The following CRX variants were observed in gnomAD, a reference collection of about 807,000 sequenced individuals.
CRX encodes the protein cone-rod homeobox.
CRX carries 5 observed loss-of-function variants against 13.1 expected under a neutral mutation model. The ratio of observed to expected loss-of-function variants is 0.38; its 90% CI spans 0.20 to 0.80. The LOEUF (loss-of-function observed/expected upper bound fraction) is 0.80, where lower values mean the gene tolerates loss of function less well. Ranked by LOEUF, CRX falls within the 30% of genes least tolerant of loss-of-function variation. The pLI is 0.43. For synonymous variants in CRX, 179 were observed against 171.1 expected (o/e 1.05, Z -0.36); for missense variants, 351 against 391.8 (o/e 0.90, Z 0.88).
chr19:47,828,893 AACACACACACACACACACACAC>A (rs59471457), intron 1 of CRX, among the ~76,000 whole-genome samples: 75 of 134,144 alleles, frequency 5.6e-4, no homozygotes, highest in Middle Eastern at 3.8e-3. Context: ...TTTTGACAAG[AACACACACACACACACACACAC>A]ACACACACAC....
Position 47,832,136 on chromosome 19 carries a change from C to T in CRX, c.-35-2273C>T, listed in dbSNP as rs149531321. On this transcript the variant is annotated intron_variant, in intron 1 of 3. Transcript: ENST00000221996. ...TTTTTTTTTTTTTGAGACGGAGTCTCGCTCTGTCGCCCAAGCTGGAGTGCA... is the reference window on the plus strand; with the variant it reads ...TTTTTTTTTTTTTGAGACGGAGTCTTGCTCTGTCGCCCAAGCTGGAGTGCA... Among the ~76,000 whole-genome samples the T allele has an allele frequency of 5.2e-3, 341 of 65,634 alleles. 2 individuals carry two copies. The highest frequency in any genetic ancestry group is 7.5e-3 in the Non-Finnish European group (221 of 29,576). 43.1% of individuals were successfully genotyped at this position (65,634 alleles called of 152,430 possible).
chr19:47,837,630 ATT>A (rs201859950), intron 3 of CRX, among the ~76,000 whole-genome samples: 26,843 of 152,010 alleles, frequency 0.18, 2,621 homozygotes, highest in Non-Finnish European at 0.22. Flanking sequence ...ATAATTGTAT[ATT>A]TGTATGTTTG....
chr19:47,831,425 G>A (rs1461557160), intron 1 of CRX, among the ~76,000 whole-genome samples: 1 of 151,998 alleles, frequency 6.6e-6, no homozygotes, highest in South Asian at 2.1e-4. Flanking sequence ...TGGTGAGCAA[G>A]CATTACTGCC....
intron 3 of CRX, among the ~76,000 whole-genome samples, chr19:47,836,826 A>G (rs552817970): frequency 1.1e-4 from 16 of 152,324 alleles, no homozygotes; most frequent in African/African-American, 3.8e-4. Context: ...TAGAATGTCA[A>G]TTCCACTGAC....
In CRX at chr19:47,841,273, T is replaced by G. The variant is rs1315104053; in HGVS notation, c.*1306T>G. 1 of 152,194 alleles carries G rather than the reference T, an allele frequency of 6.6e-6. No individual in the cohort carries two copies. The highest frequency in any genetic ancestry group is 1.5e-5 in the Non-Finnish European group (1 of 68,034). The allele number at this position is 152,194 out of a possible 1,614,324, so 9.4% of individuals were successfully genotyped here. On this transcript the variant is annotated 3_prime_UTR_variant, in exon 4 of 4. Coordinates refer to ENST00000221996, the MANE Select transcript of CRX (RefSeq NM_000554.6). The stretch of plus-strand genomic sequence containing the variant: ...TCTTCTTAGTTTCTTTTTAAAGACA[T>G]TTTATCACTCATTCGCTCATTAGCA...
At chr19:47,824,454 T>C (rs8103546) in intron 1 of CRX, among the ~76,000 whole-genome samples, 41,176 of 151,994 alleles carry the variant, frequency 0.27, 5,875 homozygotes, top group Middle Eastern at 0.34. Flanking sequence ...TCAGTTTCCT[T>C]CTCTGTAAAG....
In CRX at chr19:47,839,574, C is replaced by A. The variant is rs1372606569; in HGVS notation, c.507C>A (p.Ser169=). Residue 169 remains serine, a synonymous_variant, in exon 4 of 4, where the codon TCC becomes TCA. Coordinates refer to ENST00000221996, the MANE Select transcript of CRX (RefSeq NM_000554.6). The surrounding 1 kb of genome is among the most constrained non-coding windows in gnomAD (Gnocchi z 4.6). The part of the protein sequence containing the change: ...TVSIWSPASE[S]PLPEAQRAGL... ...CCATCTGGAGCCCAGCCTCAGAGTC[C>A]CCTTTGCCTGAGGCGCAGCGGGCTG... 2 of 1,612,416 alleles carry A rather than the reference C, an allele frequency of 1.2e-6. No homozygotes were observed. The highest frequency in any genetic ancestry group is 1.7e-6 in the Non-Finnish European group (2 of 1,178,988).
rs1407282954 is a variant in CRX, at chr19:47,834,413, C to T, written c.-31C>T. 1.3e-6 allele frequency: 2 copies of T among 1,534,550 alleles called. No individual in the cohort carries two copies. Among genetic ancestry groups the T allele is most frequent in the Non-Finnish European group, 1.8e-6 (2 of 1,107,456 alleles). The stretch of plus-strand genomic sequence containing the variant: ...ATCCCTCCTCTTCTCTTGCAGGCCC[C>T]CTGACTTGGGCCTCAGTGTCCCCGA... On this transcript the variant is annotated 5_prime_UTR_variant, in exon 2 of 4. Coordinates refer to ENST00000221996, the MANE Select transcript of CRX (RefSeq NM_000554.6).
chr19:47,835,756 G>C (rs12052175), intron 2 of CRX, among the ~76,000 whole-genome samples: 34,380 of 151,466 alleles, frequency 0.23, 4,180 homozygotes, highest in Middle Eastern at 0.35. Context: ...CGAGTAGCTG[G>C]GACTACAGGC....
At chr19:47,837,095 A>AT (rs1451940257) in intron 3 of CRX, among the ~76,000 whole-genome samples, 1 of 152,220 alleles carries the variant, frequency 6.6e-6, no homozygotes, top group African/African-American at 2.4e-5. Context: ...TGATGAATGT[A>AT]TGCATGCATG....
Position 47,834,247 on chromosome 19 carries a change from G to A in CRX, c.-35-162G>A, listed in dbSNP as rs2123738064. Among the ~76,000 whole-genome samples, 6 of 152,286 alleles carry A rather than the reference G, an allele frequency of 3.9e-5. 1 individual carries two copies. In the South Asian group the frequency reaches 1.2e-3, roughly 32 times the overall value. On this transcript the variant is annotated intron_variant, in intron 1 of 3. Transcript: ENST00000221996. ...GAAAGCTCTGAGAACCTTAAGCAGA[G>A]GCCATTTTACATGTGAGGACACAGA... is the stretch of plus-strand genomic sequence containing the variant.
intron 1 of CRX, among the ~76,000 whole-genome samples, chr19:47,829,070 C>T (rs946492252): frequency 1.3e-5 from 2 of 152,046 alleles, no homozygotes; most frequent in African/African-American, 4.8e-5. Flanking sequence ...GTATATTCTA[C>T]ACATGAGTAA....
rs1968202401 is a variant in CRX at position 47,841,944 on chromosome 19, G to A, written c.*1977G>A. ...CAAGGAAGAGGAAAAGGTTGGTTGT[G>A]GAGTGTTTGTCAGTTTCCGTGGTGT... On this transcript the variant is annotated 3_prime_UTR_variant, in exon 4 of 4. Transcript: ENST00000221996. The A allele has an allele frequency of 6.6e-6, 1 of 152,158 alleles. No individual in the cohort carries two copies. The highest frequency in any genetic ancestry group is 2.1e-4 in the South Asian group (1 of 4,826). 9.4% of individuals were successfully genotyped at this position (152,158 alleles called of 1,614,324 possible). A position where few individuals can be genotyped will look rare whatever the true frequency, so the allele number is the denominator to read the frequency against.
At position 47,841,281 on chromosome 19, in the gene CRX, C is replaced by T; in HGVS notation, c.*1314C>T. 6.6e-6 allele frequency: 1 copy of T among 152,190 alleles called. No homozygotes were observed. Among genetic ancestry groups the T allele is most frequent in the Non-Finnish European group, 1.5e-5 (1 of 68,032 alleles). The allele number at this position is 152,190 out of a possible 1,614,324, so 9.4% of individuals were successfully genotyped here. A position where few individuals can be genotyped will look rare whatever the true frequency, so the allele number is the denominator to read the frequency against. On this transcript the variant is annotated 3_prime_UTR_variant, in exon 4 of 4. Transcript: ENST00000221996. ...GTTTCTTTTTAAAGACATTTTATCACTCATTCGCTCATTAGCACATTGGGA... is the reference window on the plus strand; with the variant it reads ...GTTTCTTTTTAAAGACATTTTATCATTCATTCGCTCATTAGCACATTGGGA...
At chr19:47,828,483 G>T (rs960543776) in intron 1 of CRX, among the ~76,000 whole-genome samples, 6 of 152,062 alleles carry the variant, frequency 3.9e-5, no homozygotes, top group Admixed American at 2.6e-4. Context: ...CTGGGGACAT[G>T]GCAGGAACCG....
Position 47,840,064 on chromosome 19 carries a change from A to G in CRX, c.*97A>G. 11 of 1,451,076 alleles carry G rather than the reference A, an allele frequency of 7.6e-6. No individual in the cohort carries two copies. Among genetic ancestry groups the G allele is most frequent in the Non-Finnish European group, 1.0e-5 (11 of 1,054,546 alleles). The allele number at this position is 1,451,076 out of a possible 1,614,324, so 89.9% of individuals were successfully genotyped here. ...TAGATCCCGGGATGGCATTCCTGAG[A>G]AAGCAACCCGAACCAGCTGTCCTTC... On this transcript the variant is annotated 3_prime_UTR_variant, in exon 4 of 4. Transcript: ENST00000221996.
chr19:47,834,268 A>T lies in CRX; in HGVS notation c.-35-141A>T, dbSNP rs141902803. ...CAGAGGCCATTTTACATGTGAGGAC[A>T]CAGAGGTACAGAGAGGTGAGATAAA... On this transcript the variant is annotated intron_variant, in intron 1 of 3. Coordinates refer to ENST00000221996, the MANE Select transcript of CRX (RefSeq NM_000554.6). 1,206 of 658,086 alleles carry T rather than the reference A, an allele frequency of 1.8e-3. 12 individuals are homozygous for T. In the African/African-American group the frequency reaches 0.019, roughly 10 times the overall value. The allele number at this position is 658,086 out of a possible 1,614,324, so 40.8% of individuals were successfully genotyped here. A position where few individuals can be genotyped will look rare whatever the true frequency, so the allele number is the denominator to read the frequency against.
chr19:47,836,846 G>C (rs1469551840), intron 3 of CRX, among the ~76,000 whole-genome samples: 1 of 152,210 alleles, frequency 6.6e-6, no homozygotes, highest in Non-Finnish European at 1.5e-5. Context: ...CGGACACTCA[G>C]AGTAGTAGAA....
Position 47,836,284 on chromosome 19 carries a change from C to T in CRX, c.142C>T (p.Arg48Trp), listed in dbSNP as rs761797993. Residue 48 changes from arginine (R) to tryptophan (W), a missense_variant, in exon 3 of 4, where the codon CGG becomes TGG. Arg to Trp is a moderately radical substitution (Grantham distance 101). Transcript: ENST00000221996. ...KQRRERTTFT[R>W]SQLEELEALF... ...GCGGCGGGAGCGCACCACCTTCACCCGGAGCCAACTGGAGGAGCTGGAGGC... is the reference window on the plus strand; with the variant it reads ...GCGGCGGGAGCGCACCACCTTCACCTGGAGCCAACTGGAGGAGCTGGAGGC... The T allele has an allele frequency of 1.1e-5, 17 of 1,614,078 alleles. No individual in the cohort carries two copies. The highest frequency in any genetic ancestry group is 4.0e-5 in the African/African-American group (3 of 74,924).
Sources: allele counts gnomAD v4.1 joint callset (sites outside exome capture counted in the v4.1 genomes callset), GRCh38; gene constraint gnomAD v4.1.1; non-coding constraint Gnocchi (gnomAD v3.1); transcripts MANE v1.5; gene names NCBI Gene and HGNC (gene_info 2026-07-23, HGNC 2026-07-21).